Variants in SLFN12L observed in about 807,000 individuals in gnomAD.
SLFN12L encodes schlafen family member 12-like.
SLFN12L carries 34 observed loss-of-function variants against 34.8 expected under a neutral mutation model. The observed-to-expected ratio is 0.98, with a 90% CI of 0.74 to 1.30. The LOEUF is 1.30. Among genes scored for constraint, SLFN12L ranks in the 50% most tolerant of loss-of-function variants. The pLI, the probability that SLFN12L is intolerant of heterozygous loss-of-function variation, is 0.00. For missense variants in SLFN12L, 703 were observed against 696.2 expected (o/e 1.01, Z -0.11); for synonymous variants, 259 against 247.5 (o/e 1.05, Z -0.44).
At chr17:35,502,742 AT>A (rs1915342837) in intron 2 of SLFN12L, among the ~76,000 whole-genome samples, 1 of 152,238 alleles carries the variant, frequency 6.6e-6, no homozygotes. Context: ...TGTAACATGT[AT>A]TATAGTAACC....
rs756041377 is a variant in SLFN12L, at chr17:35,478,061, C to G, written c.1276+14G>C. 141 of 1,496,034 alleles carry G rather than the reference C, an allele frequency of 9.4e-5. No homozygotes were observed. The highest frequency in any genetic ancestry group is 8.5e-4 in the Middle Eastern group (5 of 5,862). 92.7% of individuals were successfully genotyped at this position (1,496,034 alleles called of 1,614,324 possible). On this transcript the variant is annotated intron_variant, in intron 4 of 4. Coordinates refer to ENST00000628453, the MANE Select transcript of SLFN12L (RefSeq NM_001363830.2). Reference sequence around the variant, plus strand: ...GTTACACCAACAACTCCACGGAAGCCAGAATTAAATTACCTGGAAGGTGAT... The same window carrying G: ...GTTACACCAACAACTCCACGGAAGCGAGAATTAAATTACCTGGAAGGTGAT...
chr17:35,472,690 TG>T lies in SLFN12L; in HGVS notation c.*2232del, dbSNP rs1367383740. 1.4e-4 allele frequency among the ~76,000 whole-genome samples: 21 copies of T among 152,214 alleles called. No individual in the cohort carries two copies. The highest frequency in any genetic ancestry group is 4.8e-4 in the African/African-American group (20 of 41,454). ...ATTCCATATGAAATTCTGTGAAGAA[TG>T]TCAATGGTAGTTTGATGGGAATAAC... On this transcript the variant is annotated 3_prime_UTR_variant, in exon 5 of 5. Coordinates refer to ENST00000628453, the MANE Select transcript of SLFN12L (RefSeq NM_001363830.2).
chr17:35,530,439 GGGAAGAAAGAAA>G (rs1432925223), intron 1 of SLFN12L, among the ~76,000 whole-genome samples: 127 of 10,986 alleles, frequency 0.012, 20 homozygotes, highest in Middle Eastern at 0.031. Flanking sequence ...GGGAAGGGAA[GGGAAGAAAGAAA>G]GAAAGAAAGA....
rs1014453762 is a variant in SLFN12L, at chr17:35,480,100, C to A, written c.182G>T (p.Gly61Val). 4 of 1,613,982 alleles carry A rather than the reference C, an allele frequency of 2.5e-6. No individual in the cohort carries two copies. In the African/African-American group the frequency reaches 5.3e-5, roughly 22 times the overall value. ...ATTGTTCTCTCCAAGAGTGACTCTT[C>A]CCACATTTAGAACCAGCTCAGCATA... The part of the protein sequence containing the change: ...TNYAELVLNV[G>V]RVTLGENNRK... Residue 61 changes from glycine (G) to valine (V), a missense_variant, in exon 3 of 5, where the codon GGA (glycine) becomes GTA (valine). Transcript: ENST00000628453.
intron 1 of SLFN12L, among the ~76,000 whole-genome samples, chr17:35,529,360 A>T (rs2072368380): frequency 6.6e-6 from 1 of 152,220 alleles, no homozygotes; most frequent in South Asian, 2.1e-4. Context: ...TACCCAAAGG[A>T]TTATAAATTA....
chr17:35,495,279 G>T (rs183051846), intron 2 of SLFN12L, among the ~76,000 whole-genome samples: 67 of 152,214 alleles, frequency 4.4e-4, no homozygotes, highest in Non-Finnish European at 8.4e-4. Flanking sequence ...TTCAATTTTG[G>T]ACTAGCAAGT....
At chr17:35,523,725 A>T (rs1597880903) in intron 1 of SLFN12L, among the ~76,000 whole-genome samples, 1 of 152,330 alleles carries the variant, frequency 6.6e-6, no homozygotes. Flanking sequence ...ACTTGAGCCC[A>T]GGAGTGCGAG....
chr17:35,518,495 A>G (rs1172700852), intron 2 of SLFN12L, among the ~76,000 whole-genome samples: 2 of 151,820 alleles, frequency 1.3e-5, no homozygotes, highest in Admixed American at 1.3e-4. Flanking sequence ...AGGTTGCAGT[A>G]AGCCGAGATC....
intron 2 of SLFN12L, among the ~76,000 whole-genome samples, chr17:35,502,708 G>A (rs1915341517): frequency 6.6e-6 from 1 of 152,076 alleles, no homozygotes; most frequent in African/African-American, 2.4e-5. Flanking sequence ...TTCAACAAAA[G>A]TAAAGTTTAC....
At position 35,494,889 on chromosome 17, in the gene SLFN12L, T is replaced by TTTA. The variant is rs1555542073; in HGVS notation, c.87-14695_87-14694insTAA. ...TGCGTTAATTTTATTAATTTATTTA[T>TTTA]TTTATTTATTTATTTATTTATTTAT... On this transcript the variant is annotated intron_variant, in intron 2 of 4. Transcript: ENST00000628453. Among the ~76,000 whole-genome samples the TTTA allele has an allele frequency of 3.4e-3, 495 of 146,926 alleles. 3 individuals are homozygous for TTTA. Among genetic ancestry groups the TTTA allele is most frequent in the African/African-American group, 8.0e-3 (319 of 39,634 alleles).
At chr17:35,521,613 A>T (rs1915998393) in intron 2 of SLFN12L, among the ~76,000 whole-genome samples, 1 of 152,172 alleles carries the variant, frequency 6.6e-6, no homozygotes. Context: ...CAATTCCAGC[A>T]ATTGGGGAGG....
At chr17:35,517,432 A>C (rs1915864499) in intron 2 of SLFN12L, among the ~76,000 whole-genome samples, 1 of 152,246 alleles carries the variant, frequency 6.6e-6, no homozygotes, top group Admixed American at 6.5e-5. Flanking sequence ...TTCCAAGCTC[A>C]TGGATAGGAA....
intron 2 of SLFN12L, chr17:35,514,679 C>A: frequency 2.8e-6 from 1 of 353,848 alleles, no homozygotes; most frequent in Non-Finnish European, 5.4e-6. Context: ...TAGTTCATAA[C>A]AAGCATATTT....
intron 2 of SLFN12L, among the ~76,000 whole-genome samples, chr17:35,489,179 T>C (rs897702300): frequency 6.6e-6 from 1 of 152,118 alleles, no homozygotes; most frequent in Non-Finnish European, 1.5e-5. Flanking sequence ...TCTTCTTCAG[T>C]CACTGACTTA....
chr17:35,520,361 T>A (rs1449238332), intron 2 of SLFN12L, among the ~76,000 whole-genome samples: 1 of 152,240 alleles, frequency 6.6e-6, no homozygotes, highest in Non-Finnish European at 1.5e-5. Context: ...AGTGCCTTCT[T>A]CTCCTGAAAA....
intron 2 of SLFN12L, chr17:35,514,636 T>C: frequency 3.8e-6 from 1 of 260,294 alleles, no homozygotes; most frequent in South Asian, 4.2e-5. Flanking sequence ...TTACACAAAG[T>C]AAACATTAAC....
chr17:35,502,749 T>C (rs757772125), intron 2 of SLFN12L, among the ~76,000 whole-genome samples: 1 of 152,208 alleles, frequency 6.6e-6, no homozygotes, highest in Non-Finnish European at 1.5e-5. Context: ...TGTATTATAG[T>C]AACCTGTAAT....
intron 2 of SLFN12L, among the ~76,000 whole-genome samples, chr17:35,514,335 C>T (rs1280229581): frequency 2.0e-5 from 3 of 152,156 alleles, no homozygotes; most frequent in African/African-American, 7.2e-5. Context: ...AATTTTAATC[C>T]TCAGTTTTCA....
chr17:35,510,047 A>G (rs368340896), intron 2 of SLFN12L: 175 of 152,348 alleles, frequency 1.1e-3, no homozygotes, highest in African/African-American at 3.9e-3. Flanking sequence ...TACCTATAGA[A>G]GCCAAACTGG....
Sources: gnomAD v4.1 joint callset for allele counts (sites outside exome capture counted in the v4.1 genomes callset) on GRCh38, gnomAD v4.1.1 for gene constraint, MANE v1.5 for transcripts, NCBI Gene and HGNC (gene_info 2026-07-23, HGNC 2026-07-21) for gene names.